MBD5: variants seen among roughly 807,000 people sequenced by gnomAD.
The protein encoded by MBD5 is methyl-CpG-binding domain protein 5.
Under a neutral mutation model 117.3 loss-of-function variants are expected in MBD5, and 13 were observed. The ratio of observed to expected loss-of-function variants is 0.11; its 90% CI spans 0.07 to 0.18. The LOEUF (loss-of-function observed/expected upper bound fraction) is 0.18. Among genes scored for constraint, MBD5 ranks in the 10% least tolerant of loss-of-function variants. The pLI, the probability that MBD5 is intolerant of heterozygous loss-of-function variation, is 1.00. For missense variants in MBD5, 1,879 were observed against 2,093.8 expected (o/e 0.90, Z 2.00); for synonymous variants, 727 against 766.4 (o/e 0.95, Z 0.85).
chr2:148,354,403 A>G (rs1410057068), intron 4 of MBD5, among the ~76,000 whole-genome samples: 1 of 152,114 alleles, frequency 6.6e-6, no homozygotes, highest in African/African-American at 2.4e-5. Flanking sequence ...GCTGAGAATG[A>G]TGGCTTCCAG....
intron 1 of MBD5, among the ~76,000 whole-genome samples, chr2:148,144,480 G>T (rs964925042): frequency 3.2e-4 from 49 of 152,208 alleles, no homozygotes; most frequent in South Asian, 1.2e-3. Context: ...TTTTGGCTTT[G>T]GTTGCCATTG....
chr2:148,498,583 G>T (rs1482664963), intron 11 of MBD5, among the ~76,000 whole-genome samples: 1 of 152,074 alleles, frequency 6.6e-6, no homozygotes, highest in African/African-American at 2.4e-5. Context: ...TGATCCACCC[G>T]CCTCGACCTC....
intron 1 of MBD5, among the ~76,000 whole-genome samples, chr2:148,174,308 A>G (rs1208300247): frequency 6.6e-6 from 1 of 152,170 alleles, no homozygotes. Context: ...TCAACTCAAA[A>G]TGGATTAAAG....
At chr2:148,462,810 T>C (rs1345939199) in intron 6 of MBD5, 126 bp downstream of exon 6, 3 of 686,578 alleles carry the variant, frequency 4.4e-6, no homozygotes, top group African/African-American at 1.8e-5. Flanking sequence ...CTTTATCTAA[T>C]TCTCATATTT....
rs1335443686 is a variant in MBD5 at position 148,469,027 on chromosome 2, G to T, written c.1084G>T (p.Asp362Tyr). 4 of 1,612,822 alleles carry T rather than the reference G, an allele frequency of 2.5e-6. No individual in the cohort carries two copies. Among genetic ancestry groups the T allele is most frequent in the Non-Finnish European group, 3.4e-6 (4 of 1,179,812 alleles). Residue 362 changes from aspartate (D) to tyrosine (Y), a missense_variant, in exon 8 of 14, where the codon GAC becomes TAC. Physicochemically the swap from Asp to Tyr is radical, Grantham distance 160 (BLOSUM62 -3). Around this residue, in one of 4 missense-constraint regions of MBD5, gnomAD observed 1,666 missense variants for 1,792.2 expected, o/e 0.93. Coordinates refer to ENST00000642680, the MANE Select transcript of MBD5 (RefSeq NM_001378120.1). ...TSEKDPLGIL[D>Y]PIPSKPVNQN... ...TGAGAAAGATCCACTTGGCATTCTT[G>T]ACCCTATTCCTAGTAAACCAGTGAA...
chr2:148,372,590 A>G (rs1014427930), intron 4 of MBD5, among the ~76,000 whole-genome samples: 4 of 152,008 alleles, frequency 2.6e-5, no homozygotes, highest in African/African-American at 9.7e-5. Context: ...CTGGTGGGAA[A>G]AGCATTATGA....
At chr2:148,318,499 T>A (rs1360828028) in intron 3 of MBD5, among the ~76,000 whole-genome samples, 1 of 152,188 alleles carries the variant, frequency 6.6e-6, no homozygotes, top group East Asian at 1.9e-4. Context: ...TTTTCTGGCA[T>A]TTGTCTTTGA....
intron 3 of MBD5, among the ~76,000 whole-genome samples, chr2:148,260,046 T>C (rs557174919): frequency 6.6e-6 from 1 of 152,342 alleles, no homozygotes; most frequent in East Asian, 1.9e-4. Context: ...TGCTGAATGT[T>C]GGGTTGTCTG....
intron 1 of MBD5, among the ~76,000 whole-genome samples, chr2:148,073,692 A>G (rs1171014173): frequency 6.6e-6 from 1 of 152,210 alleles, no homozygotes; most frequent in Non-Finnish European, 1.5e-5. Flanking sequence ...TATCTACACA[A>G]CAACCCCATG....
chr2:148,363,641 A>G (rs1002124943), intron 4 of MBD5, among the ~76,000 whole-genome samples: 1 of 152,122 alleles, frequency 6.6e-6, no homozygotes, highest in East Asian at 1.9e-4. Context: ...CAGGGTCTGG[A>G]GTGGACCTCT....
At chr2:148,156,319 A>G (rs1444248432) in intron 1 of MBD5, among the ~76,000 whole-genome samples, 1 of 152,150 alleles carries the variant, frequency 6.6e-6, no homozygotes, top group East Asian at 1.9e-4. Context: ...CACAGGCCCC[A>G]CTTGTCTGTT....
intron 4 of MBD5, among the ~76,000 whole-genome samples, chr2:148,427,540 C>G (rs1464259131): frequency 2.0e-5 from 3 of 150,584 alleles, no homozygotes; most frequent in African/African-American, 7.4e-5. Flanking sequence ...ATCACAAGGA[C>G]AAAAAACCAA....
intron 3 of MBD5, among the ~76,000 whole-genome samples, chr2:148,288,689 G>A (rs150149345): frequency 2.4e-4 from 36 of 152,068 alleles, no homozygotes; most frequent in African/African-American, 8.2e-4. Context: ...CTCAATGCAG[G>A]GATGTGTGTA....
intron 2 of MBD5, among the ~76,000 whole-genome samples, chr2:148,230,581 C>T (rs1699960270): frequency 6.6e-6 from 1 of 152,136 alleles, no homozygotes; most frequent in Admixed American, 6.5e-5. Flanking sequence ...ACAAAGTTCC[C>T]TTTGCTTTTC....
At chr2:148,032,402 T>C (rs980460258) in intron 1 of MBD5, among the ~76,000 whole-genome samples, 4 of 152,162 alleles carry the variant, frequency 2.6e-5, no homozygotes, top group African/African-American at 9.7e-5. Context: ...AAGAGGAATT[T>C]TTTTTTGGAG....
At chr2:148,474,711 G>A (rs979014361) in intron 8 of MBD5, among the ~76,000 whole-genome samples, 1 of 151,996 alleles carries the variant, frequency 6.6e-6, no homozygotes, top group African/African-American at 2.4e-5. Context: ...ATGTTCTTGA[G>A]TATTTATATA....
chr2:148,195,318 G>A (rs1044771588), intron 2 of MBD5, among the ~76,000 whole-genome samples: 1 of 152,124 alleles, frequency 6.6e-6, no homozygotes, highest in African/African-American at 2.4e-5. Context: ...CAGAGATAAA[G>A]AGGAAATTTT....
intron 4 of MBD5, among the ~76,000 whole-genome samples, chr2:148,440,844 T>A (rs987988980): frequency 1.7e-4 from 26 of 152,184 alleles, no homozygotes; most frequent in Admixed American, 1.5e-3. Context: ...GGGAGAAGTT[T>A]TTTTTCTATG....
At chr2:148,052,194 G>A (rs1043628070) in intron 1 of MBD5, among the ~76,000 whole-genome samples, 4 of 131,852 alleles carry the variant, frequency 3.0e-5, no homozygotes, top group Admixed American at 2.3e-4. Flanking sequence ...TATGGTATAA[G>A]ACTGTTATTG....
Sources: allele counts gnomAD v4.1 joint callset (sites outside exome capture counted in the v4.1 genomes callset), GRCh38; gene constraint gnomAD v4.1.1; regional missense constraint gnomAD v4.1.1; transcripts MANE v1.5; gene names NCBI Gene and HGNC (gene_info 2026-07-23, HGNC 2026-07-21).